Variants in NECTIN1 observed in about 807,000 individuals in gnomAD.
NECTIN1 encodes the protein nectin-1.
In NECTIN1, 23 loss-of-function variants were observed where a neutral mutation model predicts 48.0. The observed-to-expected ratio is 0.48, with a 90% CI of 0.34 to 0.68. The LOEUF (loss-of-function observed/expected upper bound fraction) is 0.68. Ranked by LOEUF, NECTIN1 falls within the 30% of genes least tolerant of loss-of-function variation. NECTIN1 has a pLI of 0.01. For missense variants in NECTIN1, 591 were observed against 709.9 expected (o/e 0.83, Z 1.90); for synonymous variants, 270 against 288.9 (o/e 0.93, Z 0.66).
chr11:119,657,013 C>T (rs939152307), downstream of NECTIN1, among the ~76,000 whole-genome samples: 3 of 152,210 alleles, frequency 2.0e-5, no homozygotes, highest in Non-Finnish European at 2.9e-5. Context: ...ACGAGGATTA[C>T]GGGTGTGGCT....
chr11:119,668,148 C>G (rs973259920), intron 5 of NECTIN1, among the ~76,000 whole-genome samples: 16 of 152,180 alleles, frequency 1.1e-4, no homozygotes, highest in African/African-American at 3.9e-4. Flanking sequence ...TTGGAATTCT[C>G]ACCACCACTT....
chr11:119,677,521 C>G lies in NECTIN1; in HGVS notation c.733+34G>C, dbSNP rs895721529. 2 of 1,610,442 alleles carry G rather than the reference C, an allele frequency of 1.2e-6. No homozygotes were observed. Among genetic ancestry groups the G allele is most frequent in the Non-Finnish European group, 1.7e-6 (2 of 1,178,482 alleles). ...GAGGGAGGAGGGACAGTGGCGCCCA[C>G]CCCAGGAGGCCCCTGGCAGCCAGCC... On this transcript the variant is annotated intron_variant, in intron 3 of 5. Coordinates refer to ENST00000264025, the MANE Select transcript of NECTIN1 (RefSeq NM_002855.5). This position sits in a 1 kb window ranked among gnomAD's most constrained non-coding sequence, Gnocchi z 5.4.
chr11:119,652,211 A>G (rs1237424711), intron 5 of NECTIN1, among the ~76,000 whole-genome samples: 2 of 152,174 alleles, frequency 1.3e-5, no homozygotes, highest in African/African-American at 4.8e-5. Flanking sequence ...GACCAGAGGA[A>G]GGTTTTCCAG....
chr11:119,663,563 C>T lies in NECTIN1; in HGVS notation c.*1184G>A. 2 of 985,540 alleles carry T rather than the reference C, an allele frequency of 2.0e-6. No individual in the cohort carries two copies. Among genetic ancestry groups the T allele is most frequent in the Non-Finnish European group, 2.4e-6 (2 of 829,966 alleles). 61.0% of individuals were successfully genotyped at this position (985,540 alleles called of 1,614,324 possible). A position where few individuals can be genotyped will look rare whatever the true frequency, so the allele number is the denominator to read the frequency against. On this transcript the variant is annotated 3_prime_UTR_variant, in exon 6 of 6. Coordinates refer to ENST00000264025, the MANE Select transcript of NECTIN1 (RefSeq NM_002855.5). Reference sequence around the variant, plus strand: ...TGAGGCATTGTATGGACTCCTCAGTCCCTCGGACTGTGTTTGCAGAGCTTC... The same window carrying T: ...TGAGGCATTGTATGGACTCCTCAGTTCCTCGGACTGTGTTTGCAGAGCTTC...
chr11:119,726,438 T>A (rs1012512675), intron 1 of NECTIN1, among the ~76,000 whole-genome samples: 7 of 152,210 alleles, frequency 4.6e-5, no homozygotes, highest in African/African-American at 1.7e-4. Context: ...CTTCGGTGCA[T>A]GGATGCTACC....
intron 5 of NECTIN1, chr11:119,654,247 TCATC>T (rs10531420): frequency 0.53 from 79,053 of 150,066 alleles, 22,041 homozygotes; most frequent in Admixed American, 0.64. Context: ...ATCTGAATAT[TCATC>T]CATCCATCCA....
chr11:119,653,294 G>C (rs1864518191), intron 5 of NECTIN1, among the ~76,000 whole-genome samples: 1 of 152,222 alleles, frequency 6.6e-6, no homozygotes, highest in Non-Finnish European at 1.5e-5. Context: ...TCACGGTTGA[G>C]ACCTATCCTC....
In NECTIN1 at chr11:119,661,636, GAA is replaced by G; in HGVS notation, c.*3109_*3110del. On this transcript the variant is annotated 3_prime_UTR_variant, in exon 6 of 6. Coordinates refer to ENST00000264025, the MANE Select transcript of NECTIN1 (RefSeq NM_002855.5). The stretch of plus-strand genomic sequence containing the variant: ...CAATTTCTCTGCTCTGAGGAAGGCA[GAA>G]AAGTTATTGCACCAGTGACTTGGGC... 1 of 985,916 alleles carries G rather than the reference GAA, an allele frequency of 1.0e-6. No homozygotes were observed. The highest frequency in any genetic ancestry group is 1.2e-6 in the Non-Finnish European group (1 of 829,964). The allele number at this position is 985,916 out of a possible 1,614,324, so 61.1% of individuals were successfully genotyped here.
At chr11:119,681,405 C>G (rs1441734128) in intron 1 of NECTIN1, among the ~76,000 whole-genome samples, 1 of 152,180 alleles carries the variant, frequency 6.6e-6, no homozygotes, top group Non-Finnish European at 1.5e-5. Context: ...CATGGTGGAC[C>G]TGCAACGGGA....
At chr11:119,642,453 G>A (rs1187798807) in intron 5 of NECTIN1, 1 of 153,234 alleles carries the variant, frequency 6.5e-6, no homozygotes, top group Admixed American at 6.5e-5. Flanking sequence ...CCGAACAGGA[G>A]GAAGAGACAG....
At chr11:119,716,029 T>C (rs1865738292) in intron 1 of NECTIN1, among the ~76,000 whole-genome samples, 1 of 152,212 alleles carries the variant, frequency 6.6e-6, no homozygotes, top group Admixed American at 6.5e-5. Flanking sequence ...GTGGGATTCC[T>C]ACAGGGACTG....
chr11:119,677,545 C>T lies in NECTIN1; in HGVS notation c.733+10G>A. 6.2e-7 allele frequency: 1 copy of T among 1,612,430 alleles called. No homozygotes were observed. Among genetic ancestry groups the T allele is most frequent in the Non-Finnish European group, 8.5e-7 (1 of 1,180,002 alleles). On this transcript the variant is annotated intron_variant, in intron 3 of 5. Coordinates refer to ENST00000264025, the MANE Select transcript of NECTIN1 (RefSeq NM_002855.5). The surrounding 1 kb of genome is among the most constrained non-coding windows in gnomAD (Gnocchi z 5.4). ...ACCCCAGGAGGCCCCTGGCAGCCAG[C>T]CCTGCTCACACTGCACGTTGAGAGT...
intron 5 of NECTIN1, chr11:119,640,197 C>G: frequency 1.5e-6 from 1 of 646,968 alleles, no homozygotes; most frequent in South Asian, 1.8e-5. Flanking sequence ...GGAGGCTCCT[C>G]CTCTAGTTCC....
At chr11:119,687,689 TC>T (rs1288541204) in intron 1 of NECTIN1, among the ~76,000 whole-genome samples, 1 of 152,120 alleles carries the variant, frequency 6.6e-6, no homozygotes, top group Non-Finnish European at 1.5e-5. Context: ...TCCCCAGGCT[TC>T]CCCGGAGAAT....
chr11:119,674,462 T>G, intron 5 of NECTIN1: 1 of 1,602,748 alleles, frequency 6.2e-7, no homozygotes, highest in South Asian at 1.1e-5. Flanking sequence ...TCACGTAGAA[T>G]TCTGACAACA....
exon 6 of NECTIN1, chr11:119,640,004 G>A (rs555397459): frequency 2.1e-5 from 34 of 1,611,786 alleles, no homozygotes; most frequent in Middle Eastern, 1.7e-4. Context: ...CTCTGGGGGC[G>A]GGGCTTTTCT....
At chr11:119,703,725 C>T (rs1865495346) in intron 1 of NECTIN1, among the ~76,000 whole-genome samples, 1 of 152,238 alleles carries the variant, frequency 6.6e-6, no homozygotes, top group Non-Finnish European at 1.5e-5. Flanking sequence ...CTGCCTCGTA[C>T]CCTGAATTTC....
intron 1 of NECTIN1, among the ~76,000 whole-genome samples, chr11:119,682,083 C>T (rs147503203): frequency 4.6e-5 from 7 of 152,156 alleles, no homozygotes; most frequent in African/African-American, 7.2e-5. Flanking sequence ...ACTTAGGGAC[C>T]GGGAACCCAA....
intron 1 of NECTIN1, among the ~76,000 whole-genome samples, chr11:119,695,997 AG>A (rs1284278113): frequency 4.6e-5 from 7 of 152,230 alleles, no homozygotes; most frequent in African/African-American, 1.7e-4. Context: ...AAAGAATCCA[AG>A]TCTCTTGACC....
Sources: gnomAD v4.1 joint callset for allele counts (sites outside exome capture counted in the v4.1 genomes callset) on GRCh38, gnomAD v4.1.1 for gene constraint, Gnocchi (gnomAD v3.1) non-coding constraint, MANE v1.5 for transcripts, NCBI Gene and HGNC (gene_info 2026-07-23, HGNC 2026-07-21) for gene names.